Variants in SPRY3 observed in about 807,000 individuals in gnomAD.
The protein encoded by SPRY3 is protein sprouty homolog 3.
SPRY3 carries 15 observed loss-of-function variants against 20.2 expected under a neutral mutation model. That is an observed-to-expected ratio of 0.74 (90% confidence interval 0.50 to 1.14). The LOEUF is 1.14. Ranked by LOEUF, SPRY3 falls within the 50% of genes most tolerant of loss-of-function variation. The pLI is 0.00. For synonymous variants in SPRY3, 143 were observed against 136.5 expected (o/e 1.05, Z -0.33); for missense variants, 364 against 363.9 (o/e 1.00, Z 0.00).
chrX:155,722,387 G>A (rs906294772), intron 2 of SPRY3, among the ~76,000 whole-genome samples: 2 of 152,062 alleles, frequency 1.3e-5, no homozygotes, highest in Non-Finnish European at 2.9e-5. Flanking sequence ...TGGGTGTGGT[G>A]GCACATGCCT....
At chrX:155,699,395 C>G (rs886467945) in intron 2 of SPRY3, among the ~76,000 whole-genome samples, 12 of 111,906 alleles carry the variant, frequency 1.1e-4, no homozygotes. Flanking sequence ...GGCAAGACAG[C>G]GTGAAACCCC....
At chrX:155,767,291 A>G (rs1472006073) in intron 2 of SPRY3, among the ~76,000 whole-genome samples, 2 of 151,904 alleles carry the variant, frequency 1.3e-5, no homozygotes, top group Non-Finnish European at 2.9e-5. Context: ...ATCCTCCCCT[A>G]TAACCCATTC....
chrX:155,717,395 CT>C (rs1569384669), intron 2 of SPRY3, among the ~76,000 whole-genome samples: 2 of 151,932 alleles, frequency 1.3e-5, no homozygotes, highest in African/African-American at 4.8e-5. Context: ...TGTTTACTAC[CT>C]TTTTAAAAAT....
At chrX:155,774,794 A>G in exon 4 of SPRY3, 1 of 1,544,332 alleles carries the variant, frequency 6.5e-7, no homozygotes, top group Non-Finnish European at 8.7e-7. Flanking sequence ...ACAGCAAAGC[A>G]TAGGCCTCAT....
intron 1 of SPRY3, among the ~76,000 whole-genome samples, chrX:155,628,972 AT>A (rs1360712097): frequency 2.8e-5 from 3 of 106,748 alleles, no homozygotes; most frequent in African/African-American, 1.0e-4. Flanking sequence ...TCTTTTGCCC[AT>A]TTTTTTTCTT....
intron 2 of SPRY3, among the ~76,000 whole-genome samples, chrX:155,688,211 G>T (rs1214690952): frequency 2.7e-5 from 3 of 110,553 alleles, no homozygotes; most frequent in African/African-American, 9.9e-5. Context: ...AAGAGGACAT[G>T]ATCTCGTTCC....
chrX:155,667,006 A>C (rs2068026537), intron 2 of SPRY3, among the ~76,000 whole-genome samples: 1 of 111,246 alleles, frequency 9.0e-6, no homozygotes, highest in Non-Finnish European at 1.9e-5. Context: ...GTGGTGGTCA[A>C]GTCTGTCAAC....
chrX:155,765,316 A>T (rs2091320883), intron 2 of SPRY3, among the ~76,000 whole-genome samples: 2 of 152,066 alleles, frequency 1.3e-5, no homozygotes, highest in African/African-American at 4.8e-5. Flanking sequence ...CCTGAGTTAA[A>T]ATCCTAGATC....
chrX:155,740,955 T>A (rs1467482476), intron 2 of SPRY3, among the ~76,000 whole-genome samples: 1 of 152,152 alleles, frequency 6.6e-6, no homozygotes, highest in Admixed American at 6.6e-5. Context: ...GTTTGTACTC[T>A]TTCTCTTTAT....
chrX:155,713,816 G>A (rs1175134131), intron 2 of SPRY3, among the ~76,000 whole-genome samples: 3 of 151,910 alleles, frequency 2.0e-5, no homozygotes, highest in East Asian at 1.9e-4. Context: ...TCTCTTTAAG[G>A]CCAATAACTC....
chrX:155,709,599 T>C (rs2090973137), intron 2 of SPRY3, among the ~76,000 whole-genome samples: 2 of 151,710 alleles, frequency 1.3e-5, no homozygotes, highest in Admixed American at 1.3e-4. Context: ...AATATTTTCT[T>C]CCATTCTGTG....
chrX:155,676,589 C>T (rs1355125027), intron 2 of SPRY3, among the ~76,000 whole-genome samples: 1 of 111,975 alleles, frequency 8.9e-6, no homozygotes, highest in Non-Finnish European at 1.9e-5. Context: ...CATAGATGCT[C>T]ACTATGTTAG....
At chrX:155,723,190 C>T (rs2091073146) in intron 2 of SPRY3, among the ~76,000 whole-genome samples, 1 of 152,120 alleles carries the variant, frequency 6.6e-6, no homozygotes, top group African/African-American at 2.4e-5. Context: ...CATTGATGGA[C>T]ATTTGGGTTG....
intron 2 of SPRY3, 101 bp from the exon 2 acceptor site, chrX:155,767,861 A>C (rs1263867272): frequency 6.6e-6 from 1 of 152,586 alleles, no homozygotes; most frequent in South Asian, 2.1e-4. Context: ...AAATCTATAC[A>C]AAGTATATGC....
intron 2 of SPRY3, among the ~76,000 whole-genome samples, chrX:155,759,070 C>CT (rs769114368): frequency 0.038 from 5,402 of 142,598 alleles, 98 homozygotes; most frequent in South Asian, 0.089. Context: ...CTTATTAATT[C>CT]TTTTTTTTTT....
chrX:155,714,202 C>A (rs886700784), intron 2 of SPRY3, among the ~76,000 whole-genome samples: 6 of 152,100 alleles, frequency 3.9e-5, no homozygotes, highest in Non-Finnish European at 5.9e-5. Flanking sequence ...ATCCCTGATG[C>A]CTTATTTACT....
intron 2 of SPRY3, among the ~76,000 whole-genome samples, chrX:155,671,246 C>T (rs2068039588): frequency 9.0e-6 from 1 of 111,676 alleles, no homozygotes; most frequent in African/African-American, 3.3e-5. Context: ...TCATCTAAGA[C>T]ACTTATGATT....
At chrX:155,679,767 C>G (rs1275817069) in intron 2 of SPRY3, among the ~76,000 whole-genome samples, 1 of 111,586 alleles carries the variant, frequency 9.0e-6, no homozygotes, top group Non-Finnish European at 1.9e-5. Context: ...ATACAGAGAG[C>G]TATGAGAACA....
intron 2 of SPRY3, among the ~76,000 whole-genome samples, chrX:155,734,586 G>A (rs1465614790): frequency 4.6e-5 from 7 of 151,758 alleles, no homozygotes; most frequent in Non-Finnish European, 8.8e-5. Context: ...GACATGAAGT[G>A]AGTACATGCT....
Sources: allele counts gnomAD v4.1 joint callset (sites outside exome capture counted in the v4.1 genomes callset), GRCh38; gene constraint gnomAD v4.1.1; transcripts MANE v1.5; gene names NCBI Gene and HGNC (gene_info 2026-07-23, HGNC 2026-07-21).